The following GPM6A variants were observed in gnomAD, a reference collection of about 807,000 sequenced individuals.
The protein encoded by GPM6A is glycoprotein M6A, also known as neuronal membrane glycoprotein M6-a.
A neutral mutation model predicts 32.1 loss-of-function variants in GPM6A; 7 were observed. The observed-to-expected ratio is 0.22, with a 90% CI of 0.12 to 0.41. The LOEUF (loss-of-function observed/expected upper bound fraction) is 0.41. GPM6A is among the 10% of genes least tolerant of loss of function. GPM6A has a pLI of 1.00. For missense variants in GPM6A, 235 were observed against 347.2 expected, an observed-to-expected ratio of 0.68 and a Z score of 2.57; for synonymous variants, 130 against 123.4, an observed-to-expected ratio of 1.05 and a Z score of -0.35.
At chr4:175,783,749 A>G (rs1257720439) in intron 1 of GPM6A, among the ~76,000 whole-genome samples, 1 of 140,452 alleles carries the variant, frequency 7.1e-6, no homozygotes, top group Non-Finnish European at 1.6e-5. Flanking sequence ...TTATATCACA[A>G]TATTTACAGA....
At chr4:175,664,091 T>G (rs1742597479) in intron 3 of GPM6A, among the ~76,000 whole-genome samples, 1 of 152,116 alleles carries the variant, frequency 6.6e-6, no homozygotes, top group Admixed American at 6.6e-5. Flanking sequence ...GAAGCCAATC[T>G]GAAAAAGCTA....
chr4:175,921,792 A>G (rs888711361), intron 1 of GPM6A, among the ~76,000 whole-genome samples: 1 of 152,166 alleles, frequency 6.6e-6, no homozygotes, highest in Non-Finnish European at 1.5e-5. Flanking sequence ...GGAATTTTAC[A>G]TTTACTTATT....
At chr4:175,730,159 G>C (rs10050126) in intron 1 of GPM6A, among the ~76,000 whole-genome samples, 12,809 of 152,012 alleles carry the variant, frequency 0.084, 833 homozygotes, top group East Asian at 0.29. Context: ...ATAAGCTGCT[G>C]TCCTGGTTTA....
chr4:175,979,244 A>G (rs1409242589), intron 1 of GPM6A, among the ~76,000 whole-genome samples: 4 of 152,236 alleles, frequency 2.6e-5, no homozygotes, highest in Non-Finnish European at 5.9e-5. Flanking sequence ...TTTTTCAAGC[A>G]AGCATCAATT....
At chr4:175,811,376 G>A (rs1434365668) in intron 1 of GPM6A, among the ~76,000 whole-genome samples, 1 of 152,036 alleles carries the variant, frequency 6.6e-6, no homozygotes, top group Non-Finnish European at 1.5e-5. Flanking sequence ...CGAGAGAAAC[G>A]CTGCCTATCT....
chr4:175,986,067 G>A (rs1025245007), intron 1 of GPM6A, among the ~76,000 whole-genome samples: 24 of 152,056 alleles, frequency 1.6e-4, no homozygotes, highest in African/African-American at 5.3e-4. Flanking sequence ...GCCTCCCAAA[G>A]TGCAGGGTCC....
At chr4:175,921,968 C>T (rs988699288) in intron 1 of GPM6A, among the ~76,000 whole-genome samples, 1 of 152,190 alleles carries the variant, frequency 6.6e-6, no homozygotes, top group Admixed American at 6.5e-5. Flanking sequence ...GGAGGGTAAT[C>T]TGCTTCTCAG....
intron 1 of GPM6A, among the ~76,000 whole-genome samples, chr4:175,852,204 G>C (rs1438167193): frequency 6.6e-6 from 1 of 151,978 alleles, no homozygotes; most frequent in East Asian, 1.9e-4. Flanking sequence ...TACTCCATCA[G>C]TTTGGAATGA....
intron 2 of GPM6A, among the ~76,000 whole-genome samples, chr4:175,690,915 A>C (rs1387860080): frequency 6.6e-6 from 1 of 152,246 alleles, no homozygotes; most frequent in African/African-American, 2.4e-5. Flanking sequence ...AAATATTCTT[A>C]GGTAAAGTTT....
At chr4:175,907,922 T>C (rs1031488624) in intron 1 of GPM6A, among the ~76,000 whole-genome samples, 24 of 152,162 alleles carry the variant, frequency 1.6e-4, no homozygotes, top group Admixed American at 3.3e-4. Flanking sequence ...TCTTTTGTTA[T>C]AGGGGCCTCA....
At chr4:175,755,050 A>C (rs1295212992) in intron 1 of GPM6A, among the ~76,000 whole-genome samples, 6 of 152,102 alleles carry the variant, frequency 3.9e-5, no homozygotes, top group African/African-American at 9.7e-5. Context: ...TCTTCAAAAA[A>C]ATTTTTTTGT....
intron 1 of GPM6A, among the ~76,000 whole-genome samples, chr4:175,797,588 T>C (rs1321294507): frequency 1.3e-5 from 2 of 152,154 alleles, no homozygotes; most frequent in African/African-American, 2.4e-5. Context: ...TTTTCTTCTA[T>C]GCCTATTGAA....
intron 1 of GPM6A, among the ~76,000 whole-genome samples, chr4:175,794,305 G>T (rs1734129178): frequency 1.3e-5 from 2 of 152,174 alleles, no homozygotes; most frequent in Admixed American, 1.3e-4. Context: ...CTCAACAAGT[G>T]TTAAATATTC....
chr4:175,666,142 T>G (rs112368021), intron 3 of GPM6A, among the ~76,000 whole-genome samples: 7,531 of 152,034 alleles, frequency 0.05, 204 homozygotes, highest in Non-Finnish European at 0.061. Context: ...CTGGTCTCGA[T>G]CTCCAGCCCT....
chr4:175,710,599 T>C (rs1392522006), intron 1 of GPM6A, among the ~76,000 whole-genome samples: 1 of 152,216 alleles, frequency 6.6e-6, no homozygotes. Flanking sequence ...GTGACTTCCT[T>C]TAAATTAAAT....
chr4:175,985,509 A>G (rs1740947822), intron 1 of GPM6A, among the ~76,000 whole-genome samples: 1 of 152,162 alleles, frequency 6.6e-6, no homozygotes, highest in Non-Finnish European at 1.5e-5. Context: ...TGTCTTGATT[A>G]ATGCCAAATT....
At chr4:175,789,148 G>A (rs1733912629) in intron 1 of GPM6A, among the ~76,000 whole-genome samples, 1 of 152,092 alleles carries the variant, frequency 6.6e-6, no homozygotes, top group Admixed American at 6.5e-5. Context: ...ATTTACTTTT[G>A]CAGAACAAAG....
intron 1 of GPM6A, among the ~76,000 whole-genome samples, chr4:175,963,091 A>T (rs983130031): frequency 6.6e-6 from 1 of 152,176 alleles, no homozygotes; most frequent in Non-Finnish European, 1.5e-5. Context: ...AGCTTGAAAA[A>T]AAAGTCAATG....
rs546460589 is a variant in GPM6A, at chr4:175,985,639, C to T, written c.-23+16670G>A. Among the ~76,000 whole-genome samples, 13 of 152,204 alleles carry T rather than the reference C, an allele frequency of 8.5e-5. 1 individual carries two copies. Among genetic ancestry groups the T allele is most frequent in the African/African-American group, 3.1e-4 (13 of 41,528 alleles). On this transcript the variant is annotated intron_variant, in intron 1 of 7. Transcript: ENST00000280187. The stretch of plus-strand genomic sequence containing the variant: ...GTGAGTGTCCTTTTCCTGTACTTGA[C>T]GTTATTGGGAATGTTTCTAGTGTTT...
Sources: allele counts gnomAD v4.1 joint callset (sites outside exome capture counted in the v4.1 genomes callset), GRCh38; gene constraint gnomAD v4.1.1; transcripts MANE v1.5; gene names NCBI Gene and HGNC (gene_info 2026-07-23, HGNC 2026-07-21).